The following ATP8B4 variants were observed in gnomAD, a reference collection of about 807,000 sequenced individuals.
The protein encoded by ATP8B4 is ATPase phospholipid transporting 8B4 (putative), also known as probable phospholipid-transporting ATPase IM.
ATP8B4 carries 133 observed loss-of-function variants against 145.6 expected under a neutral mutation model. That is an observed-to-expected ratio of 0.91 (90% CI 0.79 to 1.05). The LOEUF is 1.05. ATP8B4 is among the 50% of genes least tolerant of loss of function. The probability of loss-of-function intolerance (pLI) is 0.00; values close to 1 mark genes in which losing one functional copy is unlikely to be tolerated. For missense variants in ATP8B4, 1,458 were observed against 1,425.2 expected (o/e 1.02, Z -0.37); for synonymous variants, 507 against 492.9 (o/e 1.03, Z -0.38).
chr15:50,164,363 A>G (rs1355272915), intron 1 of ATP8B4, among the ~76,000 whole-genome samples: 1 of 152,196 alleles, frequency 6.6e-6, no homozygotes, highest in Non-Finnish European at 1.5e-5. Context: ...TCCTGCCAAG[A>G]TGAGATTTTT....
At chr15:49,868,975 C>G (rs1359159163) in intron 25 of ATP8B4, among the ~76,000 whole-genome samples, 1 of 152,194 alleles carries the variant, frequency 6.6e-6, no homozygotes, top group Non-Finnish European at 1.5e-5. Flanking sequence ...ATGGTGTGAT[C>G]TTGGCTCATG....
chr15:50,045,501 A>G (rs1283674473), intron 4 of ATP8B4, among the ~76,000 whole-genome samples: 1 of 152,148 alleles, frequency 6.6e-6, no homozygotes, highest in Non-Finnish European at 1.5e-5. Flanking sequence ...CTTCGGGGCC[A>G]TCAGGCAGGA....
At chr15:49,875,525 CAGATAG>C (rs1050433214) in intron 25 of ATP8B4, among the ~76,000 whole-genome samples, 12 of 152,194 alleles carry the variant, frequency 7.9e-5, no homozygotes, top group Admixed American at 7.2e-4. Context: ...CTCGGAGCTA[CAGATAG>C]TAATAGAGGA....
chr15:50,019,405 T>C (rs151207704), intron 6 of ATP8B4, among the ~76,000 whole-genome samples: 15 of 152,352 alleles, frequency 9.8e-5, no homozygotes, highest in African/African-American at 3.4e-4. Context: ...ACTGAGGTCT[T>C]TGAAATGCCA....
chr15:50,098,929 A>G (rs923102018), intron 2 of ATP8B4, among the ~76,000 whole-genome samples: 6 of 152,166 alleles, frequency 3.9e-5, no homozygotes, highest in Non-Finnish European at 8.8e-5. Flanking sequence ...TCTAACCTGG[A>G]TTATATTTGT....
intron 1 of ATP8B4, among the ~76,000 whole-genome samples, chr15:50,166,772 A>G (rs1392661498): frequency 2.0e-5 from 3 of 152,218 alleles, no homozygotes; most frequent in African/African-American, 4.8e-5. Flanking sequence ...CAAAGCAGAA[A>G]GATTTGCAGG....
chr15:50,055,786 T>C (rs1203496753), intron 3 of ATP8B4, among the ~76,000 whole-genome samples: 1 of 152,104 alleles, frequency 6.6e-6, no homozygotes, highest in Non-Finnish European at 1.5e-5. Flanking sequence ...ACTACTGGCA[T>C]AAAAGAGGAA....
Position 50,069,568 on chromosome 15 carries a change from T to G in ATP8B4, c.87+4559A>C, listed in dbSNP as rs571151037. 6.6e-5 allele frequency among the ~76,000 whole-genome samples: 10 copies of G among 152,298 alleles called. No homozygotes were observed. In the East Asian group the frequency reaches 1.9e-3, roughly 29 times the overall value. On this transcript the variant is annotated intron_variant, in intron 3 of 27. Transcript: ENST00000284509. The stretch of plus-strand genomic sequence containing the variant: ...TTTAAGGCCACTCTTAGCCTCAGAT[T>G]GTAAAATTGTGTATCTCCTTTATCT...
At chr15:50,130,270 T>C (rs2057336918) in intron 1 of ATP8B4, among the ~76,000 whole-genome samples, 2 of 152,208 alleles carry the variant, frequency 1.3e-5, no homozygotes, top group Admixed American at 1.3e-4. Context: ...TTCCCCATCA[T>C]GGCACTTGCC....
intron 14 of ATP8B4, among the ~76,000 whole-genome samples, chr15:49,943,625 T>G (rs1020849009): frequency 2.6e-5 from 4 of 152,014 alleles, no homozygotes; most frequent in Non-Finnish European, 5.9e-5. Flanking sequence ...AGCTAAACTC[T>G]CCTTCAAAAA....
chr15:49,987,461 A>C lies in ATP8B4; in HGVS notation c.678T>G (p.Asn226Lys). The C allele has an allele frequency of 6.2e-7, 1 of 1,613,838 alleles. No homozygotes were observed. The highest frequency in any genetic ancestry group is 1.1e-5 in the South Asian group (1 of 91,082). ...SWKDSKHSLN[N>K]EKIILRGCIL... ...TGCAGCCTCTCAGGATTATCTTCTC[A>C]TTGTTGAGGGAATGCTTGCTGTCTT... The change falls in exon 10 of 28, where the codon AAT (asparagine) becomes AAG (lysine). Residue 226 changes from asparagine to lysine, a missense_variant. Transcript: ENST00000284509.
chr15:49,962,077 A>G, intron 13 of ATP8B4, 57 bp from the exon 14 acceptor site: 1 of 1,367,870 alleles, frequency 7.3e-7, no homozygotes, highest in Non-Finnish European at 1.0e-6. Context: ...AGAATTAGAC[A>G]TTTAGTTTTA....
chr15:49,989,448 A>G (rs1028852777), intron 9 of ATP8B4, among the ~76,000 whole-genome samples: 2 of 152,102 alleles, frequency 1.3e-5, no homozygotes, highest in Non-Finnish European at 2.9e-5. Context: ...TGCTTTGGGC[A>G]AAAACAACAT....
chr15:50,050,244 A>G (rs2052072662), intron 3 of ATP8B4, among the ~76,000 whole-genome samples: 1 of 152,260 alleles, frequency 6.6e-6, no homozygotes, highest in Admixed American at 6.5e-5. Flanking sequence ...ATCTAGCTCA[A>G]CAAGTCTATG....
chr15:49,986,131 C>A (rs570944173), intron 10 of ATP8B4, among the ~76,000 whole-genome samples: 43 of 152,234 alleles, frequency 2.8e-4, no homozygotes, highest in African/African-American at 1.0e-3. Context: ...GGCCTCTCAG[C>A]GGTTCACAAC....
At chr15:49,929,476 G>A (rs1470755354) in intron 16 of ATP8B4, among the ~76,000 whole-genome samples, 1 of 152,032 alleles carries the variant, frequency 6.6e-6, no homozygotes, top group Admixed American at 6.6e-5. Flanking sequence ...AAAACTTTAG[G>A]TAACAATCCA....
chr15:49,918,692 T>C (rs2039977699), intron 19 of ATP8B4, 147 bp downstream of exon 19: 3 of 614,828 alleles, frequency 4.9e-6, no homozygotes, highest in South Asian at 4.6e-5. Flanking sequence ...TTGCAATACA[T>C]TAACTTCCTC....
chr15:50,179,815 G>C (rs1015625153), intron 1 of ATP8B4, among the ~76,000 whole-genome samples: 1 of 152,194 alleles, frequency 6.6e-6, no homozygotes, highest in African/African-American at 2.4e-5. Context: ...CTTGCCTCCA[G>C]AAGTCTGAGA....
chr15:50,026,038 C>A (rs970682583), intron 6 of ATP8B4, among the ~76,000 whole-genome samples: 3 of 152,232 alleles, frequency 2.0e-5, no homozygotes, highest in African/African-American at 7.2e-5. Flanking sequence ...TTTATCTCCA[C>A]TGTTGGAAGA....
Sources: allele counts gnomAD v4.1 joint callset (sites outside exome capture counted in the v4.1 genomes callset), GRCh38; gene constraint gnomAD v4.1.1; transcripts MANE v1.5; gene names NCBI Gene and HGNC (gene_info 2026-07-23, HGNC 2026-07-21).